WWOX: variants seen among roughly 807,000 people sequenced by gnomAD.
WWOX encodes the protein WW domain containing oxidoreductase.
WWOX carries 69 observed loss-of-function variants against 46.2 expected under a neutral mutation model. The ratio of observed to expected loss-of-function variants is 1.49; its 90% CI spans 1.23 to 1.82. The LOEUF (loss-of-function observed/expected upper bound fraction) is 1.82, where lower values mean the gene tolerates loss of function less well. Ranked by LOEUF, WWOX falls within the 40% of genes most tolerant of loss-of-function variation. The probability of loss-of-function intolerance (pLI) is 0.00; values close to 1 mark genes in which losing one functional copy is unlikely to be tolerated. For missense variants in WWOX, 919 were observed against 542.6 expected, an observed-to-expected ratio of 1.69 and a Z score of -6.89; for synonymous variants, 359 against 202.6, an observed-to-expected ratio of 1.77 and a Z score of -6.56.
At chr16:79,058,114 A>AAATC (rs1555520231) in intron 8 of WWOX, among the ~76,000 whole-genome samples, 6 of 129,742 alleles carry the variant, frequency 4.6e-5, no homozygotes, top group Non-Finnish European at 7.6e-5. Context: ...CTTAAAAAAA[A>AAATC]AAAAAACAAA....
intron 8 of WWOX, among the ~76,000 whole-genome samples, chr16:79,155,740 T>G (rs1416453061): frequency 6.6e-6 from 1 of 152,188 alleles, no homozygotes; most frequent in Admixed American, 6.5e-5. Flanking sequence ...AACAGGCTGA[T>G]AATCCATGGA....
chr16:78,317,994 G>T (rs1392048893), intron 5 of WWOX, among the ~76,000 whole-genome samples: 1 of 152,168 alleles, frequency 6.6e-6, no homozygotes, highest in South Asian at 2.1e-4. Context: ...GATAGCTGCT[G>T]AAAAGGTTCC....
chr16:79,130,661 C>G (rs566534753), intron 8 of WWOX, among the ~76,000 whole-genome samples: 2 of 152,254 alleles, frequency 1.3e-5, no homozygotes, highest in African/African-American at 4.8e-5. Context: ...ACAAATTAAC[C>G]CAGGGCAACA....
intron 8 of WWOX, among the ~76,000 whole-genome samples, chr16:78,443,660 T>C (rs556748830): frequency 1.3e-5 from 2 of 152,344 alleles, no homozygotes; most frequent in South Asian, 2.1e-4. Context: ...TAACAAATTA[T>C]TTAATGAACA....
intron 4 of WWOX, among the ~76,000 whole-genome samples, chr16:78,153,241 G>A (rs1079572): frequency 0.57 from 86,737 of 151,948 alleles, 24,770 homozygotes; most frequent in African/African-American, 0.59. Context: ...TGAGCATATA[G>A]GCGTGGTGTA....
chr16:78,442,777 C>T (rs987955757), intron 8 of WWOX, among the ~76,000 whole-genome samples: 6 of 151,304 alleles, frequency 4.0e-5, no homozygotes, highest in South Asian at 2.1e-4. Context: ...GTTGGGAGTT[C>T]GAGACCAGCC....
chr16:79,178,248 C>CA (rs1326444220), intron 8 of WWOX, among the ~76,000 whole-genome samples: 4 of 152,020 alleles, frequency 2.6e-5, no homozygotes, highest in Admixed American at 1.3e-4. Flanking sequence ...GTTTTATTTA[C>CA]AAAAAACAAA....
At chr16:78,617,571 C>T (rs903287634) in intron 8 of WWOX, among the ~76,000 whole-genome samples, 3 of 152,144 alleles carry the variant, frequency 2.0e-5, no homozygotes, top group Non-Finnish European at 4.4e-5. Context: ...TGAGGACGTG[C>T]TTGTGTGTGT....
intron 5 of WWOX, among the ~76,000 whole-genome samples, chr16:78,249,134 T>A (rs1376885526): frequency 6.6e-6 from 1 of 152,136 alleles, no homozygotes; most frequent in Non-Finnish European, 1.5e-5. Flanking sequence ...ATTACAGGCG[T>A]GAGCCACCGT....
intron 8 of WWOX, among the ~76,000 whole-genome samples, chr16:78,769,755 C>G (rs1466057944): frequency 6.6e-6 from 1 of 151,124 alleles, no homozygotes; most frequent in Non-Finnish European, 1.5e-5. Flanking sequence ...GTCTGTAATC[C>G]CAGCACTTTG....
chr16:78,299,900 G>A (rs1047352880), intron 5 of WWOX, among the ~76,000 whole-genome samples: 5 of 152,096 alleles, frequency 3.3e-5, no homozygotes, highest in African/African-American at 1.2e-4. Flanking sequence ...TTTGGGGCAG[G>A]TTGTTTCCAC....
At chr16:78,842,978 C>G (rs151104099) in intron 8 of WWOX, among the ~76,000 whole-genome samples, 1 of 150,356 alleles carries the variant, frequency 6.7e-6, no homozygotes, top group East Asian at 2.0e-4. Context: ...AGGCACGCTT[C>G]ACAGGACTGG....
chr16:78,702,716 A>C (rs1417799519), intron 8 of WWOX, among the ~76,000 whole-genome samples: 2 of 152,002 alleles, frequency 1.3e-5, no homozygotes, highest in Admixed American at 6.6e-5. Context: ...GCCAAAGGTT[A>C]GAAAGAGAAC....
chr16:78,852,306 G>C (rs943214680), intron 8 of WWOX, among the ~76,000 whole-genome samples: 6 of 152,152 alleles, frequency 3.9e-5, no homozygotes, highest in African/African-American at 1.4e-4. Context: ...AGGGGGAAGT[G>C]ATAGCGCATG....
chr16:78,582,616 T>G (rs1314391154), intron 8 of WWOX, among the ~76,000 whole-genome samples: 1 of 152,292 alleles, frequency 6.6e-6, no homozygotes, highest in African/African-American at 2.4e-5. Context: ...ATCAGTCTAT[T>G]GGTGGTTGAT....
chr16:78,118,531 T>C (rs1222792648), intron 4 of WWOX, among the ~76,000 whole-genome samples: 2 of 152,216 alleles, frequency 1.3e-5, no homozygotes, highest in African/African-American at 4.8e-5. Context: ...AACACAGCCA[T>C]GCCCATTTAT....
intron 1 of WWOX, among the ~76,000 whole-genome samples, chr16:78,101,309 A>G (rs1026102322): frequency 9.9e-5 from 14 of 141,700 alleles, no homozygotes; most frequent in South Asian, 4.6e-4. Flanking sequence ...GGCCTCTCAA[A>G]GTGCTGGGAT....
At chr16:78,962,993 G>A (rs2046300053) in intron 8 of WWOX, among the ~76,000 whole-genome samples, 1 of 152,054 alleles carries the variant, frequency 6.6e-6, no homozygotes. Flanking sequence ...CTCTGCCACT[G>A]CCATCCTACC....
At chr16:78,585,217 A>G (rs1007320083) in intron 8 of WWOX, among the ~76,000 whole-genome samples, 1 of 152,230 alleles carries the variant, frequency 6.6e-6, no homozygotes, top group Non-Finnish European at 1.5e-5. Context: ...GGTGTGGCCC[A>G]TAAAATGTAA....
Sources: allele counts gnomAD v4.1 joint callset (sites outside exome capture counted in the v4.1 genomes callset), GRCh38; gene constraint gnomAD v4.1.1; transcripts MANE v1.5; gene names NCBI Gene and HGNC (gene_info 2026-07-23, HGNC 2026-07-21).